The following CCDC181 variants were observed in gnomAD, a reference collection of about 807,000 sequenced individuals.
CCDC181 encodes the protein coiled-coil domain containing 181.
CCDC181 carries 35 observed loss-of-function variants against 58.7 expected under a neutral mutation model. The ratio of observed to expected loss-of-function variants is 0.60; its 90% CI spans 0.46 to 0.79. The LOEUF (loss-of-function observed/expected upper bound fraction) is 0.79. CCDC181 is among the 30% of genes least tolerant of loss of function. CCDC181 has a pLI of 0.00. For missense variants in CCDC181, 517 were observed against 583.9 expected (o/e 0.89, Z 1.18); for synonymous variants, 183 against 197.5 (o/e 0.93, Z 0.62).
chr1:169,447,791 T>C (rs1657416113), intron 2 of CCDC181, among the ~76,000 whole-genome samples: 1 of 152,230 alleles, frequency 6.6e-6, no homozygotes, highest in African/African-American at 2.4e-5. Context: ...CTGAATTTTG[T>C]ATTGTCTGAA....
intron 4 of CCDC181, among the ~76,000 whole-genome samples, chr1:169,414,006 C>T (rs1410953915): frequency 7.6e-6 from 1 of 131,432 alleles, no homozygotes; most frequent in Admixed American, 8.1e-5. Context: ...TATCCCAGAA[C>T]TTAAAATATA....
At chr1:169,444,531 A>G (rs1657321968) in intron 2 of CCDC181, among the ~76,000 whole-genome samples, 1 of 152,178 alleles carries the variant, frequency 6.6e-6, no homozygotes, top group Non-Finnish European at 1.5e-5. Flanking sequence ...ATAACTGTAA[A>G]TCTCAGTAAA....
chr1:169,416,408 C>G (rs7528375), intron 4 of CCDC181, among the ~76,000 whole-genome samples: 6 of 151,866 alleles, frequency 4.0e-5, no homozygotes, highest in African/African-American at 1.2e-4. Context: ...TCTGAGCCCC[C>G]CTGCTTCTAG....
intron 2 of CCDC181, chr1:169,454,583 G>T (rs969921550): frequency 3.3e-5 from 5 of 151,928 alleles, no homozygotes; most frequent in African/African-American, 1.2e-4. Flanking sequence ...CCTAAATTCT[G>T]GGCAGGGAAA....
chr1:169,459,918 A>AAAAAC (rs1657797402), intron 1 of CCDC181: 1 of 150,526 alleles, frequency 6.6e-6, no homozygotes, highest in Non-Finnish European at 1.5e-5. Context: ...AAAAAAAAAA[A>AAAAAC]AAAAAAAAAA....
chr1:169,451,188 G>A (rs1265891352), intron 2 of CCDC181: 4 of 151,956 alleles, frequency 2.6e-5, no homozygotes, highest in Non-Finnish European at 5.9e-5. Context: ...CCTAGGATCT[G>A]TCTCATCCTC....
At chr1:169,445,273 C>T (rs191765767) in intron 2 of CCDC181, among the ~76,000 whole-genome samples, 1 of 152,102 alleles carries the variant, frequency 6.6e-6, no homozygotes. Context: ...TTAGGTGTAG[C>T]GTTTTTGTAG....
Position 169,424,866 on chromosome 1 carries a change from T to C in CCDC181, c.62A>G (p.Lys21Arg). 1 of 1,608,678 alleles carries C rather than the reference T, an allele frequency of 6.2e-7. No individual in the cohort carries two copies. Among genetic ancestry groups the C allele is most frequent in the Non-Finnish European group, 8.5e-7 (1 of 1,175,926 alleles). The part of the protein sequence containing the change: ...KSEEYEDDFE[K>R]DLEWLINENE... ...TTCATTAATTAACCACTCCAGGTCC[T>C]TTTCAAAGTCATCTTCGTATTCTTC... The change falls in exon 2 of 6, where the codon AAG becomes AGG. Residue 21 changes from lysine (K) to arginine (R), a missense_variant. Transcript: ENST00000367806.
At chr1:169,406,879 A>G (rs1370639526) in intron 4 of CCDC181, among the ~76,000 whole-genome samples, 2 of 152,164 alleles carry the variant, frequency 1.3e-5, no homozygotes, top group East Asian at 1.9e-4. Flanking sequence ...TGGGCTTAAC[A>G]GTGGAATGAA....
At chr1:169,414,106 G>A (rs1004971172) in intron 4 of CCDC181, among the ~76,000 whole-genome samples, 2 of 152,126 alleles carry the variant, frequency 1.3e-5, no homozygotes, top group African/African-American at 2.4e-5. Flanking sequence ...GTCTGCACAA[G>A]CCATTTTAAA....
intron 2 of CCDC181, among the ~76,000 whole-genome samples, chr1:169,444,862 C>T (rs535690587): frequency 1.3e-5 from 2 of 152,244 alleles, no homozygotes; most frequent in Non-Finnish European, 2.9e-5. Context: ...CCCAAGATTA[C>T]GGATTGCCAC....
chr1:169,445,834 G>A (rs1376557272), intron 2 of CCDC181, among the ~76,000 whole-genome samples: 1 of 151,988 alleles, frequency 6.6e-6, no homozygotes, highest in Admixed American at 6.6e-5. Flanking sequence ...TATTCAGATT[G>A]TTTTTCAAGG....
At position 169,394,954 on chromosome 1, in the gene CCDC181, A is replaced by G. The variant is rs780996124; in HGVS notation, c.*93T>C. 7 of 1,127,406 alleles carry G rather than the reference A, an allele frequency of 6.2e-6. No homozygotes were observed. Among genetic ancestry groups the G allele is most frequent in the Non-Finnish European group, 8.6e-6 (7 of 817,384 alleles). 69.8% of individuals were successfully genotyped at this position (1,127,406 alleles called of 1,614,324 possible). On this transcript the variant is annotated 3_prime_UTR_variant, in exon 6 of 6. Transcript: ENST00000367806. ...TCAATAAAAGATAAATACCATTTCC[A>G]TAATTTAGAATACAACCAAAGTACA...
upstream of CCDC181, among the ~76,000 whole-genome samples, chr1:169,428,364 T>C (rs1274476802): frequency 6.6e-6 from 1 of 152,254 alleles, no homozygotes; most frequent in Non-Finnish European, 1.5e-5. Flanking sequence ...TTTAGTCAAA[T>C]CTCCTTTAAT....
chr1:169,405,504 A>G (rs771391721), intron 4 of CCDC181, among the ~76,000 whole-genome samples: 3 of 152,220 alleles, frequency 2.0e-5, no homozygotes, highest in African/African-American at 4.8e-5. Flanking sequence ...ATAATACCAC[A>G]TATCTACAAC....
At position 169,415,085 on chromosome 1, in the gene CCDC181, A is replaced by G. The variant is rs138112348; in HGVS notation, c.1215+3928T>C. On this transcript the variant is annotated intron_variant, in intron 4 of 5. Transcript: ENST00000367806. ...AATATGACTCATGTTTTCTGAGAAT[A>G]CAATCCAAGATTACTATTTACTATG... 1.8e-3 allele frequency among the ~76,000 whole-genome samples: 277 copies of G among 152,352 alleles called. 1 individual carries two copies. Among genetic ancestry groups the G allele is most frequent in the African/African-American group, 6.2e-3 (257 of 41,586 alleles).
At chr1:169,412,217 C>T (rs1057193717) in intron 4 of CCDC181, among the ~76,000 whole-genome samples, 1 of 152,116 alleles carries the variant, frequency 6.6e-6, no homozygotes, top group African/African-American at 2.4e-5. Context: ...AAATAACAAG[C>T]ATTACGATAC....
upstream of CCDC181, among the ~76,000 whole-genome samples, chr1:169,429,828 CTTTG>C (rs781105608): frequency 6.6e-6 from 1 of 152,032 alleles, no homozygotes; most frequent in Non-Finnish European, 1.5e-5. Flanking sequence ...ATCTACTTAC[CTTTG>C]TTTTTGTTGC....
intron 2 of CCDC181, among the ~76,000 whole-genome samples, chr1:169,453,305 T>C (rs1273826866): frequency 6.6e-6 from 1 of 152,120 alleles, no homozygotes; most frequent in Non-Finnish European, 1.5e-5. Flanking sequence ...CAAGTCACCA[T>C]GTCTGAAAAA....
Sources: gnomAD v4.1 joint callset for allele counts (sites outside exome capture counted in the v4.1 genomes callset) on GRCh38, gnomAD v4.1.1 for gene constraint, MANE v1.5 for transcripts, NCBI Gene and HGNC (gene_info 2026-07-23, HGNC 2026-07-21) for gene names.